Variants in MIA2 observed in about 807,000 individuals in gnomAD.
MIA2 encodes the protein melanoma inhibitory activity protein 2.
A neutral mutation model predicts 167.8 loss-of-function variants in MIA2; 127 were observed. That is an observed-to-expected ratio of 0.76 (90% CI 0.66 to 0.88). MIA2 has a LOEUF of 0.88. Ranked by LOEUF, MIA2 falls within the 40% of genes least tolerant of loss-of-function variation. MIA2 has a pLI of 0.00. For missense variants in MIA2, 1,690 were observed against 1,624.7 expected (o/e 1.04, Z -0.69); for synonymous variants, 552 against 541.9 (o/e 1.02, Z -0.26).
chr14:39,365,816 A>G (rs575467252), intron 23 of MIA2, among the ~76,000 whole-genome samples: 3 of 152,182 alleles, frequency 2.0e-5, no homozygotes, highest in Admixed American at 2.0e-4. Flanking sequence ...CCAGCATCTT[A>G]TAAATTTCAT....
intron 6 of MIA2, among the ~76,000 whole-genome samples, chr14:39,257,634 A>G (rs2054881928): frequency 6.6e-6 from 1 of 152,158 alleles, no homozygotes; most frequent in Non-Finnish European, 1.5e-5. Context: ...TCATGATGCT[A>G]GCTGGTTATT....
intron 25 of MIA2, among the ~76,000 whole-genome samples, chr14:39,341,210 G>C (rs1381436083): frequency 6.6e-6 from 1 of 152,116 alleles, no homozygotes; most frequent in Non-Finnish European, 1.5e-5. Context: ...GCTGAGGCAG[G>C]AGAATTGCTT....
intron 18 of MIA2, 145 bp downstream of exon 18, chr14:39,308,732 T>A (rs2152919132): frequency 1.4e-6 from 1 of 695,594 alleles, no homozygotes; most frequent in Middle Eastern, 2.7e-4. Context: ...GAAAGGTATT[T>A]GATCTGGAGA....
At position 39,314,806 on chromosome 14, in the gene MIA2, A is replaced by G. The variant is rs200276511; in HGVS notation, c.3180+7A>G. ...TCATTCTTATCAAGGGCAGGTATAT[A>G]TATATGTGTGTGTGTGTGTGTGTGT... On this transcript the variant is annotated splice_region_variant and intron_variant, in intron 20 of 28. Transcript: ENST00000640607. 152 of 1,387,734 alleles carry G rather than the reference A, an allele frequency of 1.1e-4. 1 individual carries two copies. The highest frequency in any genetic ancestry group is 8.7e-4 in the African/African-American group (52 of 59,742). 86.0% of individuals were successfully genotyped at this position (1,387,734 alleles called of 1,614,324 possible).
At chr14:39,356,384 G>T (rs1445015786), downstream of MIA2, among the ~76,000 whole-genome samples, 1 of 150,614 alleles carries the variant, frequency 6.6e-6, no homozygotes, top group East Asian at 2.0e-4. Context: ...GTATTTCTGT[G>T]GGATCAGTGG....
chr14:39,244,954 T>A (rs1049218105), intron 3 of MIA2, among the ~76,000 whole-genome samples: 16 of 152,096 alleles, frequency 1.1e-4, no homozygotes, highest in African/African-American at 3.4e-4. Flanking sequence ...TTTTTGTATT[T>A]TTTTGTAGAG....
chr14:39,299,968 TAAAG>T lies in MIA2; in HGVS notation c.2606_2609del (p.Glu869ValfsTer6), dbSNP rs745428731. 34 of 1,598,472 alleles carry T rather than the reference TAAAG, an allele frequency of 2.1e-5. No homozygotes were observed. Among genetic ancestry groups the T allele is most frequent in the African/African-American group, 2.7e-5 (2 of 73,658 alleles). Reference sequence around the variant, plus strand: ...TACATGCAGAACAAGTTCTAAATGATAAAGAAAGTCACATCAAGGTAAATGGCTC... The same window carrying T: ...TACATGCAGAACAAGTTCTAAATGATAAAGTCACATCAAGGTAAATGGCTC... On this transcript the variant is annotated frameshift_variant, in exon 14 of 29. Transcript: ENST00000640607. LOFTEE classifies it high-confidence loss of function.
At chr14:39,273,736 TA>T (rs2057520366) in intron 6 of MIA2, among the ~76,000 whole-genome samples, 1 of 152,240 alleles carries the variant, frequency 6.6e-6, no homozygotes, top group Admixed American at 6.5e-5. Context: ...GGTTTGTCAA[TA>T]TTTTTTTGAG....
chr14:39,348,471 G>T (rs1174734776), intron 27 of MIA2, among the ~76,000 whole-genome samples: 1 of 151,778 alleles, frequency 6.6e-6, no homozygotes, highest in Non-Finnish European at 1.5e-5. Flanking sequence ...ATATATTTTA[G>T]TGCTCTTGGG....
chr14:39,385,853 TC>T, intron 23 of MIA2: 4 of 968,686 alleles, frequency 4.1e-6, no homozygotes, highest in Non-Finnish European at 6.7e-6. Context: ...CCTCGACCTC[TC>T]CCCCGCATGC....
At chr14:39,256,423 A>G (rs767072301) in intron 6 of MIA2, among the ~76,000 whole-genome samples, 2 of 152,146 alleles carry the variant, frequency 1.3e-5, no homozygotes, top group Non-Finnish European at 2.9e-5. Context: ...TAATTCTTCC[A>G]ATTCATTGTA....
intron 6 of MIA2, among the ~76,000 whole-genome samples, chr14:39,254,222 G>A (rs1326170518): frequency 1.3e-5 from 2 of 152,122 alleles, no homozygotes; most frequent in African/African-American, 4.8e-5. Flanking sequence ...GGCATTCTAG[G>A]TTGAGAAGAG....
At chr14:39,239,673 CT>C (rs1356144076) in intron 2 of MIA2, among the ~76,000 whole-genome samples, 1 of 152,172 alleles carries the variant, frequency 6.6e-6, no homozygotes, top group Non-Finnish European at 1.5e-5. Context: ...AGAAAGCATT[CT>C]TTTTTATTTA....
In MIA2 at chr14:39,292,925, G is replaced by T. The variant is rs113677047; in HGVS notation, c.2209-346G>T. Among the ~76,000 whole-genome samples, 5 of 152,084 alleles carry T rather than the reference G, an allele frequency of 3.3e-5. 1 individual carries two copies. The highest frequency in any genetic ancestry group is 1.2e-4 in the African/African-American group (5 of 41,494). On this transcript the variant is annotated intron_variant, in intron 10 of 28. Coordinates refer to ENST00000640607, the MANE Select transcript of MIA2 (RefSeq NM_001329214.4). ...TTTATAGTGCTTTTAAGCAGAGGTT[G>T]GCAAACTGTGCCTAATGGGCTCTCC...
chr14:39,246,390 C>A (rs899241824), intron 3 of MIA2, among the ~76,000 whole-genome samples: 2 of 152,168 alleles, frequency 1.3e-5, no homozygotes, highest in Admixed American at 1.3e-4. Context: ...AGCCACCATA[C>A]CTGGCCCCAA....
intron 27 of MIA2, among the ~76,000 whole-genome samples, chr14:39,348,497 A>G (rs1217406936): frequency 1.3e-5 from 2 of 152,106 alleles, no homozygotes; most frequent in East Asian, 1.9e-4. Context: ...TTTCTGTTTT[A>G]TCTTTAGCCA....
At chr14:39,376,329 A>C (rs1398188022) in intron 23 of MIA2, among the ~76,000 whole-genome samples, 2 of 152,206 alleles carry the variant, frequency 1.3e-5, no homozygotes, top group Admixed American at 6.5e-5. Context: ...TTCAATATTG[A>C]AATTAAATGA....
At chr14:39,356,196 G>T (rs2074520575), downstream of MIA2, among the ~76,000 whole-genome samples, 1 of 152,012 alleles carries the variant, frequency 6.6e-6, no homozygotes, top group South Asian at 2.1e-4. Flanking sequence ...ACTTTTTTTG[G>T]TTGGTAAGCT....
chr14:39,266,223 A>G, intron 6 of MIA2: 3 of 985,478 alleles, frequency 3.0e-6, no homozygotes, highest in Non-Finnish European at 3.6e-6. Flanking sequence ...GTGAGAAGGC[A>G]GAATATAATG....
Sources: gnomAD v4.1 joint callset for allele counts (sites outside exome capture counted in the v4.1 genomes callset) on GRCh38, gnomAD v4.1.1 for gene constraint, MANE v1.5 for transcripts, NCBI Gene and HGNC (gene_info 2026-07-23, HGNC 2026-07-21) for gene names.